CCDC149: variants seen among roughly 807,000 people sequenced by gnomAD.
CCDC149 encodes the protein coiled-coil domain-containing protein 149.
CCDC149 carries 45 observed loss-of-function variants against 59.9 expected under a neutral mutation model. The ratio of observed to expected loss-of-function variants is 0.75; its 90% CI spans 0.59 to 0.96. CCDC149 has a LOEUF of 0.96. Ranked by LOEUF, CCDC149 falls within the 40% of genes least tolerant of loss-of-function variation. The probability of loss-of-function intolerance (pLI) is 0.00; values close to 1 mark genes in which losing one functional copy is unlikely to be tolerated. For missense variants in CCDC149, 584 were observed against 664.7 expected (o/e 0.88, Z 1.33); for synonymous variants, 245 against 260.6 (o/e 0.94, Z 0.58).
intron 4 of CCDC149, among the ~76,000 whole-genome samples, chr4:24,846,619 T>G (rs1384351513): frequency 6.6e-6 from 1 of 152,190 alleles, no homozygotes; most frequent in Non-Finnish European, 1.5e-5. Flanking sequence ...AAGTCCCACG[T>G]CAATAGAGGT....
intron 4 of CCDC149, among the ~76,000 whole-genome samples, chr4:24,848,301 G>A (rs1269824603): frequency 6.6e-6 from 1 of 152,106 alleles, no homozygotes; most frequent in Non-Finnish European, 1.5e-5. Flanking sequence ...GCCAGGCACG[G>A]TGCTAACATC....
intron 1 of CCDC149, among the ~76,000 whole-genome samples, chr4:24,880,472 G>A (rs767117233): frequency 3.3e-5 from 5 of 152,230 alleles, no homozygotes; most frequent in Non-Finnish European, 5.9e-5. Context: ...ACTCTAGGAA[G>A]TGGGGAGAAG....
rs557587243 is a variant in CCDC149, at chr4:24,933,913, C to T, written c.-64-38795G>A. ...ATGTGACACCAGTTGGAGTCAACCA[C>T]TTGTTGGCATTCTGTTGCCAACGAT... On this transcript the variant is annotated intron_variant, in intron 1 of 12. Coordinates refer to the CCDC149 transcript ENST00000389609. Among the ~76,000 whole-genome samples the T allele has an allele frequency of 3.3e-5, 5 of 152,274 alleles. No individual in the cohort carries two copies. In the South Asian group the frequency reaches 8.3e-4, roughly 25 times the overall value.
At chr4:24,948,949 G>A (rs745398948) in intron 1 of CCDC149, among the ~76,000 whole-genome samples, 5 of 152,084 alleles carry the variant, frequency 3.3e-5, no homozygotes, top group African/African-American at 4.8e-5. Context: ...TCTGATCTTC[G>A]TTCATCTTCC....
intron 3 of CCDC149, among the ~76,000 whole-genome samples, chr4:24,860,296 T>C (rs1718294457): frequency 6.6e-6 from 1 of 152,124 alleles, no homozygotes; most frequent in Admixed American, 6.5e-5. Context: ...GTCAAATACT[T>C]ACAGCTAACT....
chr4:24,853,144 G>T lies in CCDC149; in HGVS notation c.300C>A (p.Asp100Glu), dbSNP rs566776867. The change falls in exon 4 of 13, where the codon GAC becomes GAA. Residue 100 changes from aspartate (D) to glutamate (E), a missense_variant. Asp to Glu is a conservative substitution (Grantham distance 45). Coordinates refer to ENST00000635206, the MANE Select transcript of CCDC149 (RefSeq NM_001330643.2). Reference sequence around the variant, plus strand: ...TTTCTTCTCCCAGATGTTTATTTCGGTCCTGAGAATCTCTCAATAGTTGTG... The same window carrying T: ...TTTCTTCTCCCAGATGTTTATTTCGTTCCTGAGAATCTCTCAATAGTTGTG... 6.2e-7 allele frequency: 1 copy of T among 1,613,384 alleles called. No homozygotes were observed. Among genetic ancestry groups the T allele is most frequent in the Non-Finnish European group, 8.5e-7 (1 of 1,179,528 alleles).
chr4:24,904,936 C>T (rs1721383416), intron 1 of CCDC149, among the ~76,000 whole-genome samples: 1 of 152,182 alleles, frequency 6.6e-6, no homozygotes, highest in African/African-American at 2.4e-5. Context: ...GAGTCGCACT[C>T]TGTCGCCCAG....
intron 1 of CCDC149, among the ~76,000 whole-genome samples, chr4:24,904,098 C>A (rs983888637): frequency 2.0e-5 from 3 of 152,192 alleles, no homozygotes; most frequent in African/African-American, 7.2e-5. Context: ...CCGTGCCTAG[C>A]CTTAATTTTT....
chr4:24,810,040 T>C (rs1245126000), intron 12 of CCDC149, among the ~76,000 whole-genome samples: 1 of 152,158 alleles, frequency 6.6e-6, no homozygotes, highest in African/African-American at 2.4e-5. Flanking sequence ...GCAGCCTCAT[T>C]TCACACAGTT....
chr4:24,961,494 A>G (rs1723634881), intron 1 of CCDC149, among the ~76,000 whole-genome samples: 1 of 152,202 alleles, frequency 6.6e-6, no homozygotes, highest in South Asian at 2.1e-4. Flanking sequence ...AAGAGCCCAC[A>G]TTGCCAAGTC....
intron 1 of CCDC149, among the ~76,000 whole-genome samples, chr4:24,895,975 A>C (rs1157985412): frequency 2.0e-5 from 3 of 152,204 alleles, no homozygotes; most frequent in Non-Finnish European, 4.4e-5. Flanking sequence ...AGAAGCAGAG[A>C]TGAGGAAAGC....
chr4:24,916,483 T>A (rs1439766621), upstream of CCDC149, among the ~76,000 whole-genome samples: 1 of 152,224 alleles, frequency 6.6e-6, no homozygotes, highest in Non-Finnish European at 1.5e-5. Flanking sequence ...CTTACTTGCA[T>A]GAAGACTCTG....
In CCDC149 at chr4:24,912,852, G is replaced by A. The variant is rs1356502125; in HGVS notation, c.28C>T (p.Arg10Trp). The change falls in exon 1 of 13, where the codon CGG becomes TGG. Residue 10 changes from arginine to tryptophan, a missense_variant. Transcript: ENST00000635206. ...AGCCCCTGCCAGTCGCTCTCAGTCC[G>A]GTCGCCGTTCATGGCCTCCTCCTCC... The A allele has an allele frequency of 2.9e-6, 4 of 1,379,146 alleles. No homozygotes were observed. Among genetic ancestry groups the A allele is most frequent in the Non-Finnish European group, 3.8e-6 (4 of 1,052,146 alleles). The allele number at this position is 1,379,146 out of a possible 1,614,324, so 85.4% of individuals were successfully genotyped here.
At chr4:24,885,769 T>C (rs2244757) in intron 1 of CCDC149, among the ~76,000 whole-genome samples, 140,938 of 152,308 alleles carry the variant, frequency 0.93, 65,291 homozygotes, top group African/African-American at 0.95. Context: ...GAGTAGGGAC[T>C]GCTGACATTC....
At chr4:24,873,649 T>A (rs756663269) in intron 3 of CCDC149, 32 bp downstream of exon 3, 1 of 1,490,000 alleles carries the variant, frequency 6.7e-7, no homozygotes. Flanking sequence ...TAGGTATCAA[T>A]AAAAAAATCT....
chr4:24,873,644 A>T (rs1032734491), intron 3 of CCDC149, 37 bp downstream of exon 3: 2 of 1,412,724 alleles, frequency 1.4e-6, no homozygotes, highest in Admixed American at 1.7e-5. Context: ...GCTGCTAGGT[A>T]TCAATAAAAA....
At chr4:24,878,441 T>C (rs75060886) in intron 1 of CCDC149, among the ~76,000 whole-genome samples, 2,899 of 152,252 alleles carry the variant, frequency 0.019, 91 homozygotes, top group African/African-American at 0.066. Context: ...GCCACAGTGA[T>C]TTCTCAAGAG....
chr4:24,907,904 C>T (rs1344217045), intron 1 of CCDC149, among the ~76,000 whole-genome samples: 4 of 152,184 alleles, frequency 2.6e-5, no homozygotes, highest in Non-Finnish European at 5.9e-5. Context: ...CTTTGGCTTT[C>T]CTTGGCTTGT....
chr4:24,913,215 C>T (rs1722006193), upstream of CCDC149, among the ~76,000 whole-genome samples: 2 of 152,218 alleles, frequency 1.3e-5, no homozygotes, highest in Admixed American at 6.5e-5. Context: ...CAGGTCACTC[C>T]GGACCCCTCA....
Sources: allele counts gnomAD v4.1 joint callset (sites outside exome capture counted in the v4.1 genomes callset), GRCh38; gene constraint gnomAD v4.1.1; transcripts MANE v1.5; gene names NCBI Gene and HGNC (gene_info 2026-07-23, HGNC 2026-07-21).